The following RGS17 variants were observed in gnomAD, a reference collection of about 807,000 sequenced individuals.
The protein encoded by RGS17 is regulator of G-protein signaling 17.
Under a neutral mutation model 25.5 loss-of-function variants are expected in RGS17, and 12 were observed. That is an observed-to-expected ratio of 0.47 (90% CI 0.30 to 0.76). The LOEUF is 0.76. Among genes scored for constraint, RGS17 ranks in the 30% least tolerant of loss-of-function variants. The pLI is 0.07. For synonymous variants in RGS17, 71 were observed against 76.9 expected (o/e 0.92, Z 0.40); for missense variants, 196 against 242.2 (o/e 0.81, Z 1.27).
chr6:153,086,761 T>C (rs1039447657), intron 1 of RGS17, among the ~76,000 whole-genome samples: 1 of 152,192 alleles, frequency 6.6e-6, no homozygotes, highest in Non-Finnish European at 1.5e-5. Flanking sequence ...TACACACACA[T>C]GTCCCATATG....
At chr6:153,032,823 C>T (rs1353942717) in intron 2 of RGS17, among the ~76,000 whole-genome samples, 1 of 152,152 alleles carries the variant, frequency 6.6e-6, no homozygotes, top group Non-Finnish European at 1.5e-5. Flanking sequence ...AACAGGCAGG[C>T]ATACTGTTAT....
rs578134913 is a variant in RGS17 at position 153,059,224 on chromosome 6, C to G, written c.-25-15181G>C. Among the ~76,000 whole-genome samples, 41 of 152,138 alleles carry G rather than the reference C, an allele frequency of 2.7e-4. 1 individual carries two copies. Among genetic ancestry groups the G allele is most frequent in the Non-Finnish European group, 5.0e-4 (34 of 68,026 alleles). ...TCCGGTGCTTTCCCCTATTAAAGTA[C>G]TGAATCAGATTAGCACCAGCTGCCT... On this transcript the variant is annotated intron_variant, in intron 1 of 4. Transcript: ENST00000206262.
At chr6:153,071,191 CAA>C (rs1491341530) in intron 1 of RGS17, among the ~76,000 whole-genome samples, 2 of 149,742 alleles carry the variant, frequency 1.3e-5, no homozygotes, top group Non-Finnish European at 3.0e-5. Context: ...TTATATATAT[CAA>C]TATATATACA....
intron 4 of RGS17, among the ~76,000 whole-genome samples, chr6:153,012,545 G>C (rs1348321840): frequency 3.3e-5 from 5 of 152,146 alleles, no homozygotes; most frequent in African/African-American, 1.2e-4. Context: ...TCTTGGAACT[G>C]GTAAAACATG....
chr6:153,098,231 T>C (rs577932878), intron 1 of RGS17, among the ~76,000 whole-genome samples: 52 of 152,222 alleles, frequency 3.4e-4, no homozygotes, highest in Middle Eastern at 6.8e-3. Context: ...TATTGGAGTA[T>C]GGATGAGGGG....
intron 2 of RGS17, among the ~76,000 whole-genome samples, 183 bp from the exon 3 acceptor site, chr6:153,026,726 T>A (rs532805581): frequency 2.0e-5 from 3 of 152,336 alleles, no homozygotes; most frequent in African/African-American, 7.2e-5. Context: ...GGGAAGAGAA[T>A]AATTTTTAAA....
At chr6:153,044,213 G>A (rs2295231) in intron 1 of RGS17, among the ~76,000 whole-genome samples, 170 bp from the exon 2 acceptor site, 58,881 of 152,018 alleles carry the variant, frequency 0.39, 12,157 homozygotes, top group East Asian at 0.62. Flanking sequence ...TTTTTAGAAG[G>A]ATATACTAAA....
intron 1 of RGS17, among the ~76,000 whole-genome samples, chr6:153,094,694 ACAAT>A (rs529988196): frequency 6.6e-6 from 1 of 152,186 alleles, no homozygotes; most frequent in African/African-American, 2.4e-5. Flanking sequence ...TGAAAATTAC[ACAAT>A]CAATCAATGG....
intron 1 of RGS17, among the ~76,000 whole-genome samples, chr6:153,065,687 G>A (rs977499035): frequency 1.3e-5 from 2 of 152,134 alleles, no homozygotes; most frequent in Non-Finnish European, 2.9e-5. Context: ...TGACCAGTGG[G>A]TCAATGAAGA....
At chr6:153,049,738 G>GAGAC (rs1320686301) in intron 1 of RGS17, among the ~76,000 whole-genome samples, 23 of 145,302 alleles carry the variant, frequency 1.6e-4, no homozygotes, top group Non-Finnish European at 3.0e-4. Context: ...GCAACAGAGT[G>GAGAC]AGACTCCTTC....
chr6:153,091,676 C>T (rs148057233), intron 1 of RGS17, among the ~76,000 whole-genome samples: 1 of 152,144 alleles, frequency 6.6e-6, no homozygotes, highest in Non-Finnish European at 1.5e-5. Context: ...CTACACATGG[C>T]TAATTTTTGT....
At chr6:153,054,044 T>TACACACACA (rs1491485566) in intron 1 of RGS17, among the ~76,000 whole-genome samples, 4 of 86,394 alleles carry the variant, frequency 4.6e-5, no homozygotes, top group African/African-American at 1.6e-4. Flanking sequence ...CATATATATG[T>TACACACACA]ATATATGTAT....
At chr6:153,060,942 C>T (rs1170506849) in intron 1 of RGS17, among the ~76,000 whole-genome samples, 2 of 151,914 alleles carry the variant, frequency 1.3e-5, no homozygotes, top group Non-Finnish European at 2.9e-5. Context: ...ACCTTGAGAA[C>T]CAGTGAGTTC....
intron 2 of RGS17, among the ~76,000 whole-genome samples, chr6:153,034,890 C>G (rs1187454581): frequency 6.6e-6 from 1 of 152,124 alleles, no homozygotes; most frequent in Non-Finnish European, 1.5e-5. Flanking sequence ...CGGCTGATGC[C>G]TATAATCCCA....
intron 1 of RGS17, among the ~76,000 whole-genome samples, chr6:153,073,300 C>G (rs1002005867): frequency 2.0e-5 from 3 of 152,164 alleles, no homozygotes; most frequent in African/African-American, 7.2e-5. Context: ...GATGCAGTAA[C>G]TGTCTTTTCC....
chr6:153,093,821 GA>G (rs1777167104), intron 1 of RGS17, among the ~76,000 whole-genome samples: 1 of 152,104 alleles, frequency 6.6e-6, no homozygotes. Flanking sequence ...GCAGTCAGGG[GA>G]CTTGAACTTC....
At chr6:153,095,137 T>C (rs1310394607) in intron 1 of RGS17, among the ~76,000 whole-genome samples, 1 of 152,148 alleles carries the variant, frequency 6.6e-6, no homozygotes, top group Admixed American at 6.5e-5. Context: ...GAAATTTAAG[T>C]GGCTCATTTT....
In RGS17 at chr6:153,130,011, G is replaced by A. The variant is rs1384939474; in HGVS notation, c.-26+1113C>T. On this transcript the variant is annotated intron_variant, in intron 1 of 4. Transcript: ENST00000206262. The surrounding 1 kb of genome is among the most constrained non-coding windows in gnomAD (Gnocchi z 6.4). The stretch of plus-strand genomic sequence containing the variant: ...CCCCGGCTCGCTCTCCCGGAGCCCA[G>A]GGACTCCCGAGGCTGGCGCGGGCTG... Among the ~76,000 whole-genome samples the A allele has an allele frequency of 1.3e-5, 2 of 152,254 alleles. No individual in the cohort carries two copies. The highest frequency in any genetic ancestry group is 2.9e-5 in the Non-Finnish European group (2 of 67,986).
intron 2 of RGS17, among the ~76,000 whole-genome samples, chr6:153,038,070 G>A (rs916314573): frequency 6.6e-6 from 1 of 152,182 alleles, no homozygotes; most frequent in Non-Finnish European, 1.5e-5. Flanking sequence ...AGTCCTCACT[G>A]CATTGCCATG....
Sources: allele counts gnomAD v4.1 joint callset (sites outside exome capture counted in the v4.1 genomes callset), GRCh38; gene constraint gnomAD v4.1.1; non-coding constraint Gnocchi (gnomAD v3.1); transcripts MANE v1.5; gene names NCBI Gene and HGNC (gene_info 2026-07-23, HGNC 2026-07-21).